COL8A1: variants seen among roughly 807,000 people sequenced by gnomAD.
The protein encoded by COL8A1 is collagen alpha-1(VIII) chain.
A neutral mutation model predicts 42.7 loss-of-function variants in COL8A1; 21 were observed. That is an observed-to-expected ratio of 0.49 (90% CI 0.35 to 0.71). The LOEUF (loss-of-function observed/expected upper bound fraction) is 0.71. COL8A1 is among the 30% of genes least tolerant of loss of function. COL8A1 has a pLI of 0.01. For missense variants in COL8A1, 788 were observed against 962.4 expected (o/e 0.82, Z 2.40); for synonymous variants, 367 against 369.1 (o/e 0.99, Z 0.06).
At chr3:99,791,599 C>A (rs1942001992) in intron 3 of COL8A1, among the ~76,000 whole-genome samples, 2 of 152,208 alleles carry the variant, frequency 1.3e-5, no homozygotes, top group African/African-American at 4.8e-5. Flanking sequence ...CTGTTGCTTT[C>A]TTGGCGTATT....
At chr3:99,733,309 C>G (rs927496056) in intron 1 of COL8A1, among the ~76,000 whole-genome samples, 1 of 146,716 alleles carries the variant, frequency 6.8e-6, no homozygotes, top group Non-Finnish European at 1.5e-5. Context: ...TCCCCACACC[C>G]CACAACAGTC....
chr3:99,794,974 C>T lies in COL8A1; in HGVS notation c.1073C>T (p.Pro358Leu), dbSNP rs756500109. ...PGIGKPGFPG[P>L]KGDRGMGGVP... ...ATTGGGAAACCAGGCTTCCCAGGAC[C>T]CAAAGGTGACCGGGGCATGGGAGGT... Residue 358 changes from proline (P) to leucine (L), a missense_variant, in exon 4 of 4, where the codon CCC (proline) becomes CTC (leucine). Pro to Leu is a moderately conservative substitution (Grantham distance 98). Around this residue, in one of 4 missense-constraint regions of COL8A1, gnomAD observed 421 missense variants for 553.1 expected, o/e 0.76. Transcript: ENST00000652472. This position sits in a 1 kb window ranked among gnomAD's most constrained non-coding sequence, Gnocchi z 4.3. 7 of 1,604,152 alleles carry T rather than the reference C, an allele frequency of 4.4e-6. No homozygotes were observed. Among genetic ancestry groups the T allele is most frequent in the Admixed American group, 3.4e-5 (2 of 58,694 alleles).
At chr3:99,639,606 G>C (rs1389785023) in intron 1 of COL8A1, among the ~76,000 whole-genome samples, 1 of 152,182 alleles carries the variant, frequency 6.6e-6, no homozygotes, top group Admixed American at 6.5e-5. Context: ...CTCTTTAAAA[G>C]AAAATGATCT....
intron 2 of COL8A1, among the ~76,000 whole-genome samples, chr3:99,756,264 T>C (rs1941252154): frequency 6.6e-6 from 1 of 152,058 alleles, no homozygotes. Context: ...TGAGAATTCA[T>C]TTTTGAAAGT....
intron 2 of COL8A1, among the ~76,000 whole-genome samples, chr3:99,783,134 G>A (rs1028760644): frequency 6.6e-6 from 1 of 152,146 alleles, no homozygotes; most frequent in African/African-American, 2.4e-5. Flanking sequence ...GAAGAGATTC[G>A]GATTAGATAT....
At chr3:99,778,757 A>G (rs966472562) in intron 2 of COL8A1, among the ~76,000 whole-genome samples, 2 of 152,200 alleles carry the variant, frequency 1.3e-5, no homozygotes, top group African/African-American at 4.8e-5. Context: ...GGGGAAGAGT[A>G]ACATCGATCC....
At chr3:99,771,968 T>C (rs1941588663) in intron 2 of COL8A1, among the ~76,000 whole-genome samples, 1 of 152,220 alleles carries the variant, frequency 6.6e-6, no homozygotes, top group Non-Finnish European at 1.5e-5. Context: ...AATCCAATGA[T>C]ACCATTGTCA....
At chr3:99,694,535 T>C (rs567662846) in intron 1 of COL8A1, among the ~76,000 whole-genome samples, 1 of 152,270 alleles carries the variant, frequency 6.6e-6, no homozygotes, top group East Asian at 1.9e-4. Context: ...TTGAAAATGA[T>C]CTTTTTCTCC....
chr3:99,718,727 T>C (rs149812991), intron 1 of COL8A1, among the ~76,000 whole-genome samples: 1 of 152,168 alleles, frequency 6.6e-6, no homozygotes, highest in Admixed American at 6.6e-5. Flanking sequence ...TGATGAAAGA[T>C]AAATGATATG....
chr3:99,705,469 A>T (rs1939655013), intron 1 of COL8A1, among the ~76,000 whole-genome samples: 1 of 152,210 alleles, frequency 6.6e-6, no homozygotes, highest in Admixed American at 6.5e-5. Flanking sequence ...ATGTAAAGAG[A>T]GCACTGGAAT....
chr3:99,704,610 G>A (rs1183806856), intron 1 of COL8A1, among the ~76,000 whole-genome samples: 2 of 152,090 alleles, frequency 1.3e-5, no homozygotes, highest in Non-Finnish European at 2.9e-5. Context: ...CAGTCTTGGG[G>A]TCAGCTTCCT....
At chr3:99,745,875 G>A (rs1213673020) in intron 2 of COL8A1, among the ~76,000 whole-genome samples, 1 of 151,074 alleles carries the variant, frequency 6.6e-6, no homozygotes, top group African/African-American at 2.4e-5. Flanking sequence ...CTGACAAGTA[G>A]ACATTATCTC....
rs1942137015 is a variant in COL8A1 at position 99,798,246 on chromosome 3, T to G, written c.*2110T>G. 1 of 152,206 alleles carries G rather than the reference T, an allele frequency of 6.6e-6. No homozygotes were observed. The highest frequency in any genetic ancestry group is 1.5e-5 in the Non-Finnish European group (1 of 68,030). The allele number at this position is 152,206 out of a possible 1,614,324, so 9.4% of individuals were successfully genotyped here. On this transcript the variant is annotated 3_prime_UTR_variant, in exon 4 of 4. Transcript: ENST00000652472. ...TAGTCCATTACCACAGGGGTTCTTGTCACTACTAATTATACAACAATCTTT... is the reference window on the plus strand; with the variant it reads ...TAGTCCATTACCACAGGGGTTCTTGGCACTACTAATTATACAACAATCTTT...
At chr3:99,662,417 A>G (rs1938236273) in intron 1 of COL8A1, among the ~76,000 whole-genome samples, 1 of 151,960 alleles carries the variant, frequency 6.6e-6, no homozygotes, top group Admixed American at 6.6e-5. Flanking sequence ...GTTGTTAATT[A>G]CAGTAATAGT....
intron 1 of COL8A1, among the ~76,000 whole-genome samples, chr3:99,736,262 C>A (rs982791946): frequency 6.6e-6 from 1 of 152,082 alleles, no homozygotes; most frequent in Non-Finnish European, 1.5e-5. Context: ...AATTTTGGAT[C>A]TTTCCTGCTT....
intron 2 of COL8A1, among the ~76,000 whole-genome samples, chr3:99,772,997 T>A (rs1344975428): frequency 1.3e-5 from 2 of 152,214 alleles, no homozygotes; most frequent in Non-Finnish European, 2.9e-5. Context: ...AGCTGTGTGA[T>A]GACCTCAGGC....
At chr3:99,700,260 C>G (rs187716912) in intron 1 of COL8A1, among the ~76,000 whole-genome samples, 6 of 151,844 alleles carry the variant, frequency 4.0e-5, no homozygotes. Flanking sequence ...CAAACCTGCA[C>G]GTTCTGCACG....
intron 2 of COL8A1, among the ~76,000 whole-genome samples, chr3:99,760,776 G>A (rs1216764360): frequency 6.6e-6 from 1 of 152,140 alleles, no homozygotes; most frequent in African/African-American, 2.4e-5. Flanking sequence ...GAGATTTATC[G>A]CCTCCATTCC....
chr3:99,709,918 CCTT>C, intron 1 of COL8A1, among the ~76,000 whole-genome samples: 1 of 152,294 alleles, frequency 6.6e-6, no homozygotes, highest in East Asian at 1.9e-4. Context: ...GAGCCAACTC[CCTT>C]CTTCTCATGT....
Sources: allele counts gnomAD v4.1 joint callset (sites outside exome capture counted in the v4.1 genomes callset), GRCh38; gene constraint gnomAD v4.1.1; regional missense constraint gnomAD v4.1.1; non-coding constraint Gnocchi (gnomAD v3.1); transcripts MANE v1.5; gene names NCBI Gene and HGNC (gene_info 2026-07-23, HGNC 2026-07-21).